The following ROPN1 variants were observed in gnomAD, a reference collection of about 807,000 sequenced individuals.
ROPN1 encodes rhophilin associated tail protein 1, also known as ropporin-1A.
ROPN1 carries 14 observed loss-of-function variants against 20.5 expected under a neutral mutation model. The observed-to-expected ratio is 0.68, with a 90% CI of 0.45 to 1.07. ROPN1 has a LOEUF of 1.07. ROPN1 is among the 50% of genes least tolerant of loss of function. ROPN1 has a pLI of 0.00. For missense variants in ROPN1, 169 were observed against 242.8 expected (o/e 0.70, Z 2.02); for synonymous variants, 76 against 95.7 (o/e 0.79, Z 1.20).
At chr3:123,971,924 A>G (rs1483574361) in intron 4 of ROPN1, among the ~76,000 whole-genome samples, 1 of 152,206 alleles carries the variant, frequency 6.6e-6, no homozygotes, top group Non-Finnish European at 1.5e-5. Context: ...GATAAGTTAA[A>G]ATGAAGTTAG....
rs570779198 is a variant in ROPN1, at chr3:123,986,492, C to T, written c.-13+5430G>A. 1.6e-4 allele frequency among the ~76,000 whole-genome samples: 24 copies of T among 151,966 alleles called. No individual in the cohort carries two copies. In the South Asian group the frequency reaches 3.6e-3, roughly 22 times the overall value. On this transcript the variant is annotated intron_variant, in intron 1 of 5. Coordinates refer to ENST00000405845, the MANE Select transcript of ROPN1 (RefSeq NM_001317774.2). ...GGGTGGGGTGCTGGCCGGTGCAAGT[C>T]CAGGTGACTTCTCTGTGTCCTGCAA...
At chr3:123,971,557 C>G (rs74539941) in intron 4 of ROPN1, among the ~76,000 whole-genome samples, 6,853 of 152,200 alleles carry the variant, frequency 0.045, 213 homozygotes, top group African/African-American at 0.092. Context: ...GCATCTTCTA[C>G]TCACTTTCAC....
At chr3:123,976,152 G>C (rs1168939952) in intron 3 of ROPN1, among the ~76,000 whole-genome samples, 1 of 152,316 alleles carries the variant, frequency 6.6e-6, no homozygotes, top group African/African-American at 2.4e-5. Flanking sequence ...AAGGTGACTG[G>C]TTGTTGGCCA....
intron 1 of ROPN1, among the ~76,000 whole-genome samples, chr3:123,982,265 A>C (rs1335766351): frequency 6.6e-6 from 1 of 152,258 alleles, no homozygotes; most frequent in African/African-American, 2.4e-5. Flanking sequence ...AATTGTTAAG[A>C]CAATAACAAC....
rs72967000 is a variant in ROPN1, at chr3:123,977,338, A to G, written c.117-357T>C. On this transcript the variant is annotated intron_variant, in intron 2 of 5. Transcript: ENST00000405845. ...GCAGATGTATATTACATATGTATAT[A>G]TAATATTGGGAAGAGAAGTTGGAAG... Among the ~76,000 whole-genome samples, 1,070 of 152,288 alleles carry G rather than the reference A, an allele frequency of 7.0e-3. 14 individuals are homozygous for G. Among genetic ancestry groups the G allele is most frequent in the African/African-American group, 0.023 (969 of 41,544 alleles).
At chr3:123,982,836 C>T (rs112487826) in intron 1 of ROPN1, among the ~76,000 whole-genome samples, 9 of 152,170 alleles carry the variant, frequency 5.9e-5, no homozygotes, top group Non-Finnish European at 8.8e-5. Flanking sequence ...TTTTCATCTT[C>T]ACTAGCTGAA....
At chr3:123,971,880 A>G (rs1242045030) in intron 4 of ROPN1, among the ~76,000 whole-genome samples, 3 of 152,200 alleles carry the variant, frequency 2.0e-5, no homozygotes, top group Non-Finnish European at 4.4e-5. Context: ...GAACTGGAGA[A>G]TGTGATTGTA....
At chr3:123,970,879 C>T (rs2037902280) in intron 4 of ROPN1, among the ~76,000 whole-genome samples, 1 of 152,162 alleles carries the variant, frequency 6.6e-6, no homozygotes, top group Admixed American at 6.5e-5. Context: ...AGAAGGGTTA[C>T]TACAGAAGCA....
At chr3:123,981,925 C>T (rs1364466848) in intron 1 of ROPN1, among the ~76,000 whole-genome samples, 3 of 152,064 alleles carry the variant, frequency 2.0e-5, no homozygotes, top group Non-Finnish European at 2.9e-5. Flanking sequence ...CAAAACCCTT[C>T]ATCAGTCAAA....
At chr3:123,990,813 C>A (rs1444859838) in intron 1 of ROPN1, among the ~76,000 whole-genome samples, 1 of 152,112 alleles carries the variant, frequency 6.6e-6, no homozygotes, top group African/African-American at 2.4e-5. Context: ...ATATACCTGC[C>A]AAGTGCTGAA....
At chr3:123,973,339 G>C (rs944617573) in intron 4 of ROPN1, among the ~76,000 whole-genome samples, 4 of 152,134 alleles carry the variant, frequency 2.6e-5, no homozygotes, top group African/African-American at 9.7e-5. Flanking sequence ...TGGGGATGAT[G>C]AGGAGCAAAG....
At chr3:123,969,960 AAT>A in intron 5 of ROPN1, 80 bp downstream of exon 5, 1 of 1,373,678 alleles carries the variant, frequency 7.3e-7, no homozygotes, top group Non-Finnish European at 1.0e-6. Flanking sequence ...AGAGCAGTAT[AAT>A]ACAATAATCT....
rs575136281 is a variant in ROPN1 at position 123,976,908 on chromosome 3, G to A, written c.190C>T (p.Arg64Trp). The A allele has an allele frequency of 9.5e-5, 153 of 1,613,982 alleles. No homozygotes were observed. The East Asian group carries it at 1.8e-3, about 19-fold the overall frequency. Reference protein sequence around the residue: ...ERSERVALCNRAELTPELLKI... With the variant: ...ERSERVALCNWAELTPELLKI... ...AACAGCTCAGGTGTTAGCTCTGCCC[G>A]GTTACACAAAGCGACTCGCTCAGAC... Residue 64 changes from arginine (R) to tryptophan (W), a missense_variant, in exon 3 of 6, where the codon CGG becomes TGG. Arg to Trp is a moderately radical substitution (Grantham distance 101). This residue lies in a region of ROPN1 where 84 missense variants were observed against 99.3 expected (regional missense o/e 0.85). Transcript: ENST00000405845.
At chr3:123,989,010 A>G (rs529274053) in intron 1 of ROPN1, among the ~76,000 whole-genome samples, 13 of 152,312 alleles carry the variant, frequency 8.5e-5, no homozygotes, top group Admixed American at 3.3e-4. Context: ...GATATCTGAG[A>G]TATCTGAACT....
intron 4 of ROPN1, among the ~76,000 whole-genome samples, chr3:123,973,157 C>T (rs1351415042): frequency 2.0e-5 from 3 of 152,178 alleles, no homozygotes; most frequent in Non-Finnish European, 4.4e-5. Flanking sequence ...TTTGGGAGAA[C>T]ACAAACATTC....
At chr3:123,982,042 G>A (rs957636112) in intron 1 of ROPN1, among the ~76,000 whole-genome samples, 1 of 152,156 alleles carries the variant, frequency 6.6e-6, no homozygotes, top group African/African-American at 2.4e-5. Flanking sequence ...GGGCTTAAAT[G>A]TGCCAGTTAA....
Position 123,970,874 on chromosome 3 carries a change from G to A in ROPN1, c.397-657C>T, listed in dbSNP as rs56753116. On this transcript the variant is annotated intron_variant, in intron 4 of 5. Transcript: ENST00000405845. The stretch of plus-strand genomic sequence containing the variant: ...TGAGTGCCAGGAATTTTAATAGAAG[G>A]GTTACTACAGAAGCAAACCCTCCTT... Among the ~76,000 whole-genome samples, 1,072 of 152,172 alleles carry A rather than the reference G, an allele frequency of 7.0e-3. 17 individuals carry two copies. The highest frequency in any genetic ancestry group is 0.023 in the African/African-American group (973 of 41,502).
chr3:123,970,086 A>C lies in ROPN1; in HGVS notation c.528T>G (p.Ser176=). The change falls in exon 5 of 6, where the codon TCT becomes TCG. Residue 176 remains serine, a synonymous_variant. Transcript: ENST00000405845. ...TYIAKVDGEI[S]ASHVSRMLNY... ...TTAGCATCCTGCTGACATGTGATGCAGAGATCTCCCCATCCACTTTGGCAA... is the reference window on the plus strand; with the variant it reads ...TTAGCATCCTGCTGACATGTGATGCCGAGATCTCCCCATCCACTTTGGCAA... 3 of 1,614,228 alleles carry C rather than the reference A, an allele frequency of 1.9e-6. No homozygotes were observed. Among genetic ancestry groups the C allele is most frequent in the Non-Finnish European group, 1.7e-6 (2 of 1,180,044 alleles).
At chr3:123,969,895 C>A in intron 5 of ROPN1, 147 bp downstream of exon 5, 2 of 774,602 alleles carry the variant, frequency 2.6e-6, no homozygotes, top group Non-Finnish European at 4.0e-6. Flanking sequence ...TTCCCTTTCC[C>A]GTTTTCTTTC....
Sources: allele counts gnomAD v4.1 joint callset (sites outside exome capture counted in the v4.1 genomes callset), GRCh38; gene constraint gnomAD v4.1.1; regional missense constraint gnomAD v4.1.1; transcripts MANE v1.5; gene names NCBI Gene and HGNC (gene_info 2026-07-23, HGNC 2026-07-21).